Variants in DENND1B observed in about 807,000 individuals in gnomAD.
DENND1B encodes the protein DENN domain containing 1B, also known as DENN domain-containing protein 1B.
In DENND1B, 59 loss-of-function variants were observed where a neutral mutation model predicts 90.1. That is an observed-to-expected ratio of 0.65 (90% CI 0.53 to 0.81). DENND1B has a LOEUF of 0.81. Among genes scored for constraint, DENND1B ranks in the 40% least tolerant of loss-of-function variants. The pLI, the probability that DENND1B is intolerant of heterozygous loss-of-function variation, is 0.00. For synonymous variants in DENND1B, 337 were observed against 324.6 expected, an observed-to-expected ratio of 1.04 and a Z score of -0.41; for missense variants, 862 against 912.6, an observed-to-expected ratio of 0.94 and a Z score of 0.71.
At chr1:197,752,193 A>C (rs763503561) in intron 2 of DENND1B, among the ~76,000 whole-genome samples, 10 of 152,060 alleles carry the variant, frequency 6.6e-5, no homozygotes, top group Non-Finnish European at 1.3e-4. Context: ...TAATATTGGA[A>C]GAAAAGGGGG....
chr1:197,655,592 C>T (rs141731998), intron 6 of DENND1B, among the ~76,000 whole-genome samples: 5,601 of 151,028 alleles, frequency 0.037, 202 homozygotes, highest in Admixed American at 0.11. Flanking sequence ...AGTGCGCTGG[C>T]GCGATCTGCG....
At chr1:197,652,149 A>G (rs1007575039) in intron 7 of DENND1B, 86 bp downstream of exon 7, 1 of 1,049,384 alleles carries the variant, frequency 9.5e-7, no homozygotes, top group African/African-American at 1.6e-5. Context: ...ATGACTTGGT[A>G]AAGAATTGCC....
intron 2 of DENND1B, among the ~76,000 whole-genome samples, chr1:197,754,072 T>TA (rs879885408): frequency 1.5e-4 from 22 of 151,614 alleles, no homozygotes; most frequent in Admixed American, 9.2e-4. Flanking sequence ...CTTAAAAGAC[T>TA]AAAAAAAACC....
chr1:197,618,510 ATTGTT>A (rs1677864170), intron 10 of DENND1B, among the ~76,000 whole-genome samples: 1 of 151,148 alleles, frequency 6.6e-6, no homozygotes. Context: ...TGCCATTTTA[ATTGTT>A]TTGTTTTGGT....
At chr1:197,639,171 C>A (rs1436064596) in intron 10 of DENND1B, among the ~76,000 whole-genome samples, 1 of 151,574 alleles carries the variant, frequency 6.6e-6, no homozygotes, top group African/African-American at 2.4e-5. Context: ...TCAAGTGATT[C>A]TCTTGCCTCA....
intron 10 of DENND1B, among the ~76,000 whole-genome samples, chr1:197,636,728 G>T (rs1351089607): frequency 6.6e-6 from 1 of 152,096 alleles, no homozygotes; most frequent in African/African-American, 2.4e-5. Context: ...CAGTATATAT[G>T]ATCTGAAAAT....
At chr1:197,536,452 T>C (rs2125645411) in intron 20 of DENND1B, among the ~76,000 whole-genome samples, 1 of 152,298 alleles carries the variant, frequency 6.6e-6, no homozygotes, top group South Asian at 2.1e-4. Flanking sequence ...AATAAACTGT[T>C]GGCCACCAAT....
At chr1:197,735,337 T>C (rs1571550373) in intron 2 of DENND1B, 2 of 1,296,498 alleles carry the variant, frequency 1.5e-6, no homozygotes, top group South Asian at 3.2e-5. Context: ...TTCCTCAGAA[T>C]GCTACACAGC....
chr1:197,759,654 A>C (rs1049103291), intron 2 of DENND1B, among the ~76,000 whole-genome samples: 14 of 147,064 alleles, frequency 9.5e-5, no homozygotes, highest in African/African-American at 3.6e-4. Context: ...GAGGCAGGAG[A>C]ATGGCGTGAA....
chr1:197,536,925 C>CAGCTG (rs1669950652), intron 20 of DENND1B, among the ~76,000 whole-genome samples: 1 of 151,788 alleles, frequency 6.6e-6, no homozygotes, highest in Non-Finnish European at 1.5e-5. Flanking sequence ...CCTGTAGTCC[C>CAGCTG]AGCTGCTTGG....
At chr1:197,548,397 A>G (rs1283097601) in intron 16 of DENND1B, among the ~76,000 whole-genome samples, 4 of 152,152 alleles carry the variant, frequency 2.6e-5, no homozygotes, top group Admixed American at 2.0e-4. Flanking sequence ...AACTTGGCTG[A>G]GCATCAGCTT....
intron 14 of DENND1B, among the ~76,000 whole-genome samples, chr1:197,587,010 C>A (rs986009320): frequency 1.3e-5 from 2 of 152,126 alleles, no homozygotes; most frequent in Non-Finnish European, 2.9e-5. Flanking sequence ...ACAACAAGTA[C>A]AGGGGATCTG....
intron 15 of DENND1B, among the ~76,000 whole-genome samples, chr1:197,577,792 T>C (rs1432870260): frequency 1.8e-4 from 27 of 152,144 alleles, no homozygotes; most frequent in Admixed American, 1.8e-3. Flanking sequence ...GAACCCACTA[T>C]CATCCATCTA....
At chr1:197,586,828 C>T (rs976596664) in intron 14 of DENND1B, among the ~76,000 whole-genome samples, 1 of 152,184 alleles carries the variant, frequency 6.6e-6, no homozygotes, top group African/African-American at 2.4e-5. Flanking sequence ...CATGGGAAAG[C>T]ACTGACTGTA....
chr1:197,519,399 T>C (rs1243805767), intron 20 of DENND1B, among the ~76,000 whole-genome samples: 2 of 151,914 alleles, frequency 1.3e-5, no homozygotes, highest in African/African-American at 2.4e-5. Flanking sequence ...TAAACATTTT[T>C]AGTGTCCATG....
intron 2 of DENND1B, among the ~76,000 whole-genome samples, chr1:197,745,118 C>T (rs1287537481): frequency 6.6e-6 from 1 of 152,208 alleles, no homozygotes; most frequent in Non-Finnish European, 1.5e-5. Flanking sequence ...ATCCAGACCA[C>T]TAAAACTTTC....
At chr1:197,645,633 C>G in intron 9 of DENND1B, 57 bp downstream of exon 9, 1 of 1,139,082 alleles carries the variant, frequency 8.8e-7, no homozygotes, top group Non-Finnish European at 1.2e-6. Context: ...ACAGTGAGAC[C>G]AAAATAAACA....
chr1:197,780,041 CAT>C (rs147898657), upstream of DENND1B, among the ~76,000 whole-genome samples: 18 of 152,252 alleles, frequency 1.2e-4, no homozygotes, highest in African/African-American at 4.3e-4. Flanking sequence ...AATTCAGAAA[CAT>C]AAACACTAAA....
Position 197,506,672 on chromosome 1 carries a change from T to A in DENND1B, c.*3788A>T, listed in dbSNP as rs1206823127. ...TTAATTAAGAAACAATTCATTAGAA[T>A]TCCTGAATCCTATTATTAGGATATT... On this transcript the variant is annotated 3_prime_UTR_variant, in exon 23 of 23. Coordinates refer to ENST00000620048, the MANE Select transcript of DENND1B (RefSeq NM_001195215.2). The A allele has an allele frequency of 6.6e-6, 1 of 151,528 alleles. No individual in the cohort carries two copies. Among genetic ancestry groups the A allele is most frequent in the Admixed American group, 6.6e-5 (1 of 15,166 alleles). The allele number at this position is 151,528 out of a possible 1,614,324, so 9.4% of individuals were successfully genotyped here.
Sources: gnomAD v4.1 joint callset for allele counts (sites outside exome capture counted in the v4.1 genomes callset) on GRCh38, gnomAD v4.1.1 for gene constraint, MANE v1.5 for transcripts, NCBI Gene and HGNC (gene_info 2026-07-23, HGNC 2026-07-21) for gene names.